The following WASHC4 variants were observed in gnomAD, a reference collection of about 807,000 sequenced individuals.
The protein encoded by WASHC4 is WASH complex subunit 4, also known as WASH complex subunit 7.
WASHC4 carries 86 observed loss-of-function variants against 166.6 expected under a neutral mutation model. The observed-to-expected ratio is 0.52, with a 90% CI of 0.43 to 0.62. The LOEUF is 0.62. Among genes scored for constraint, WASHC4 ranks in the 20% least tolerant of loss-of-function variants. The pLI, the probability that WASHC4 is intolerant of heterozygous loss-of-function variation, is 0.00. For missense variants in WASHC4, 1,262 were observed against 1,382.4 expected, an observed-to-expected ratio of 0.91 and a Z score of 1.38; for synonymous variants, 446 against 451.6, an observed-to-expected ratio of 0.99 and a Z score of 0.16.
chr12:105,157,422 A>G (rs937181328), intron 28 of WASHC4, 100 bp downstream of exon 28: 4 of 678,672 alleles, frequency 5.9e-6, no homozygotes, highest in South Asian at 1.6e-5. Context: ...TGTTTTTATT[A>G]TACAAAATTA....
chr12:105,137,818 GTT>G, intron 14 of WASHC4, 66 bp from the exon 15 acceptor site: 3 of 1,363,156 alleles, frequency 2.2e-6, no homozygotes, highest in Non-Finnish European at 3.1e-6. Context: ...AATAGCTGCT[GTT>G]AAATAGATAA....
Position 105,160,043 on chromosome 12 carries a change from C to G in WASHC4, c.2955C>G (p.Ala985=). ...TCAGTGATCACACACGAAATTCTGC[C>G]GAAGGCACAGAATATTTCAAAATGC... ...SVLSDHTRNS[A]EGTEYFKMLV... is the part of the protein sequence containing the mutation. Residue 985 remains alanine, a synonymous_variant, in exon 29 of 33, where the codon GCC becomes GCG. Transcript: ENST00000332180. 6.2e-7 allele frequency: 1 copy of G among 1,613,806 alleles called. No individual in the cohort carries two copies. The highest frequency in any genetic ancestry group is 8.5e-7 in the Non-Finnish European group (1 of 1,179,784).
rs184935890 is a variant in WASHC4, at chr12:105,114,909, T to C, written c.322-275T>C. On this transcript the variant is annotated intron_variant, in intron 4 of 32. Coordinates refer to ENST00000332180, the MANE Select transcript of WASHC4 (RefSeq NM_015275.3). ...TTTTTGATACCATGTGGTTGCTCTT[T>C]ATTTCCCATAAACTAATGGGAGGAT... 1.5e-4 allele frequency among the ~76,000 whole-genome samples: 23 copies of C among 152,200 alleles called. No individual in the cohort carries two copies. The East Asian group carries it at 3.5e-3, about 23-fold the overall frequency.
At chr12:105,110,536 T>C (rs1352101870) in intron 1 of WASHC4, among the ~76,000 whole-genome samples, 1 of 152,258 alleles carries the variant, frequency 6.6e-6, no homozygotes, top group Non-Finnish European at 1.5e-5. Context: ...TGTTCTTTGC[T>C]GGTTTTTCCA....
chr12:105,166,625 A>T (rs1884822669), intron 32 of WASHC4, among the ~76,000 whole-genome samples: 1 of 152,104 alleles, frequency 6.6e-6, no homozygotes, highest in Non-Finnish European at 1.5e-5. Context: ...ACAGGTTCTG[A>T]GCTCCCTCAA....
chr12:105,140,859 C>G, intron 16 of WASHC4, 40 bp from the exon 17 acceptor site: 2 of 1,592,694 alleles, frequency 1.3e-6, no homozygotes, highest in Non-Finnish European at 1.7e-6. Context: ...TCTTTTGTTA[C>G]TGCCTCAGAA....
intron 5 of WASHC4, 134 bp from the exon 6 acceptor site, chr12:105,115,527 T>A: frequency 2.9e-6 from 2 of 690,230 alleles, no homozygotes; most frequent in Non-Finnish European, 5.2e-6. Flanking sequence ...CTCTTTGGTG[T>A]AAAAATTCTG....
chr12:105,134,410 A>G (rs1882129185), intron 14 of WASHC4, among the ~76,000 whole-genome samples: 1 of 152,036 alleles, frequency 6.6e-6, no homozygotes, highest in Non-Finnish European at 1.5e-5. Context: ...GATTAATGAT[A>G]TTGTCTGGGT....
intron 10 of WASHC4, 143 bp downstream of exon 10, chr12:105,122,381 C>G: frequency 5.0e-6 from 4 of 793,692 alleles, no homozygotes; most frequent in Non-Finnish European, 8.0e-6. Flanking sequence ...TGTTACAGTA[C>G]TAAAATATTT....
At position 105,149,097 on chromosome 12, in the gene WASHC4, C is replaced by G. The variant is rs1183561136; in HGVS notation, c.2515-518C>G. 8.1e-6 allele frequency: 8 copies of G among 984,980 alleles called. No homozygotes were observed. In the South Asian group the frequency reaches 2.3e-4, roughly 29 times the overall value. The allele number at this position is 984,980 out of a possible 1,614,324, so 61.0% of individuals were successfully genotyped here. A position where few individuals can be genotyped will look rare whatever the true frequency, so the allele number is the denominator to read the frequency against. On this transcript the variant is annotated intron_variant, in intron 24 of 32. Transcript: ENST00000332180. ...AACTTCGTGAAGACAAGGACCATGT[C>G]TAGCATGGGAGAAGGCACGTTGCCT...
intron 13 of WASHC4, among the ~76,000 whole-genome samples, chr12:105,132,083 C>T (rs11610656): frequency 0.25 from 37,495 of 152,176 alleles, 5,601 homozygotes; most frequent in East Asian, 0.39. Context: ...ATTTCTTTAC[C>T]CTGTGTAACT....
chr12:105,134,407 G>T (rs915233011), intron 14 of WASHC4, among the ~76,000 whole-genome samples: 2 of 152,050 alleles, frequency 1.3e-5, no homozygotes, highest in African/African-American at 4.8e-5. Flanking sequence ...ACTGATTAAT[G>T]ATATTGTCTG....
Position 105,140,298 on chromosome 12 carries a change from T to C in WASHC4, c.1457T>C (p.Ile486Thr). ...LCRLVELLKA[I>T]EHMFYRRSMV... ...ATTATTTCTGATTCTTTTTAGGCAA[T>C]AGAGCATATGTTCTACAGGAGAAGC... The change falls in exon 16 of 33, where the codon ATA becomes ACA. Residue 486 changes from isoleucine (I) to threonine (T), a missense_variant. By Grantham distance (89) the Ile-to-Thr change is moderately conservative (BLOSUM62 -1). Transcript: ENST00000332180. The C allele has an allele frequency of 6.2e-7, 1 of 1,608,868 alleles. No homozygotes were observed. The highest frequency in any genetic ancestry group is 8.5e-7 in the Non-Finnish European group (1 of 1,175,240).
At chr12:105,132,447 C>T (rs1011610631) in intron 13 of WASHC4, among the ~76,000 whole-genome samples, 1 of 152,216 alleles carries the variant, frequency 6.6e-6, no homozygotes, top group African/African-American at 2.4e-5. Flanking sequence ...GCTGGGATTA[C>T]AGGTGTGAGC....
At chr12:105,118,934 T>G (rs1361247671) in intron 7 of WASHC4, among the ~76,000 whole-genome samples, 1 of 152,198 alleles carries the variant, frequency 6.6e-6, no homozygotes, top group Admixed American at 6.5e-5. Context: ...TGAAGAAATT[T>G]TGTGAGTAGT....
intron 10 of WASHC4, among the ~76,000 whole-genome samples, chr12:105,125,776 A>G (rs1881225806): frequency 1.3e-5 from 2 of 152,202 alleles, no homozygotes; most frequent in Non-Finnish European, 2.9e-5. Flanking sequence ...TTTGGGTTCA[A>G]TTTTATTACT....
intron 25 of WASHC4, among the ~76,000 whole-genome samples, chr12:105,151,995 T>C (rs1182639942): frequency 6.6e-6 from 1 of 152,188 alleles, no homozygotes; most frequent in Non-Finnish European, 1.5e-5. Context: ...TCTAAGTCCC[T>C]AATACCTATT....
intron 13 of WASHC4, among the ~76,000 whole-genome samples, chr12:105,131,147 C>T (rs992991846): frequency 2.0e-5 from 3 of 150,280 alleles, no homozygotes; most frequent in Non-Finnish European, 3.0e-5. Flanking sequence ...ACTGCAGTGG[C>T]GCAATCTCGG....
Position 105,137,947 on chromosome 12 carries a change from C to T in WASHC4, c.1388C>T (p.Ser463Phe). The T allele has an allele frequency of 6.2e-7, 1 of 1,612,612 alleles. No individual in the cohort carries two copies. Among genetic ancestry groups the T allele is most frequent in the Non-Finnish European group, 8.5e-7 (1 of 1,178,856 alleles). ...IIKTTMNLYM[S>F]MQKPMTKTSV... ...AAAACCACAATGAATCTCTACATGT[C>T]CATGCAAAAGCCAATGACCAAAACC... is the stretch of plus-strand genomic sequence containing the variant. The change falls in exon 15 of 33, where the codon TCC becomes TTC. Residue 463 changes from serine (S) to phenylalanine (F), a missense_variant. Ser to Phe is a radical substitution (Grantham distance 155, BLOSUM62 -2). Coordinates refer to ENST00000332180, the MANE Select transcript of WASHC4 (RefSeq NM_015275.3).
Sources: allele counts gnomAD v4.1 joint callset (sites outside exome capture counted in the v4.1 genomes callset), GRCh38; gene constraint gnomAD v4.1.1; transcripts MANE v1.5; gene names NCBI Gene and HGNC (gene_info 2026-07-23, HGNC 2026-07-21).